Variants in LINGO1 observed in about 807,000 individuals in gnomAD.
LINGO1 encodes the protein leucine-rich repeat and immunoglobulin-like domain-containing nogo receptor-interacting protein 1.
LINGO1 carries 11 observed loss-of-function variants against 37.3 expected under a neutral mutation model. That is an observed-to-expected ratio of 0.29 (90% confidence interval 0.19 to 0.49). LINGO1 has a LOEUF of 0.49. Among genes scored for constraint, LINGO1 ranks in the 20% least tolerant of loss-of-function variants. The pLI, the probability that LINGO1 is intolerant of heterozygous loss-of-function variation, is 0.99. For synonymous variants in LINGO1, 387 were observed against 403.0 expected (o/e 0.96, Z 0.48); for missense variants, 585 against 878.2 (o/e 0.67, Z 4.22).
intron 1 of LINGO1, among the ~76,000 whole-genome samples, chr15:77,801,521 CCT>C (rs1490166721): frequency 2.0e-5 from 3 of 152,062 alleles, no homozygotes; most frequent in African/African-American, 7.2e-5. Flanking sequence ...GCTTTCATGG[CCT>C]GTTTTCCACA....
At chr15:77,746,494 T>C (rs2076316138) in intron 1 of LINGO1, among the ~76,000 whole-genome samples, 1 of 152,132 alleles carries the variant, frequency 6.6e-6, no homozygotes, top group African/African-American at 2.4e-5. Flanking sequence ...CAGAACTCCT[T>C]AGAGCACCCT....
intron 3 of LINGO1, among the ~76,000 whole-genome samples, chr15:77,670,686 G>A (rs1282227626): frequency 6.6e-6 from 1 of 152,260 alleles, no homozygotes; most frequent in African/African-American, 2.4e-5. Context: ...TTTGCCCTAA[G>A]GTCACTTGAC....
In LINGO1 at chr15:77,777,513, A is replaced by G. The variant is rs567455655; in HGVS notation, c.-257+9356T>C. On this transcript the variant is annotated intron_variant, in intron 1 of 3. Coordinates refer to the LINGO1 transcript ENST00000561686. The stretch of plus-strand genomic sequence containing the variant: ...CACACACACACACACAGCTCAGAAC[A>G]CAGTGCGAGTGCACGCCATTCACTC... Among the ~76,000 whole-genome samples the G allele has an allele frequency of 5.3e-5, 8 of 151,772 alleles. No homozygotes were observed. In the South Asian group the frequency reaches 1.7e-3, roughly 32 times the overall value.
intron 2 of LINGO1, among the ~76,000 whole-genome samples, chr15:77,701,675 G>C (rs1325013311): frequency 3.9e-5 from 6 of 152,082 alleles, no homozygotes; most frequent in Admixed American, 3.9e-4. Flanking sequence ...CATGAGAACT[G>C]ATTGTTAAAA....
In LINGO1 at chr15:77,616,183, C is replaced by T. The variant is rs192238972; in HGVS notation, c.7-283G>A. ...GTCACCTCAGACAGCCTGGCATTGG[C>T]GCCACCTCCTTTACATTTCACAGGC... On this transcript the variant is annotated intron_variant, in intron 1 of 1. Coordinates refer to ENST00000355300, the MANE Select transcript of LINGO1 (RefSeq NM_032808.7). Among the ~76,000 whole-genome samples the T allele has an allele frequency of 3.9e-5, 6 of 152,256 alleles. No homozygotes were observed. The East Asian group carries it at 7.7e-4, about 20-fold the overall frequency.
upstream of LINGO1, among the ~76,000 whole-genome samples, chr15:77,698,092 A>C (rs1444716820): frequency 6.6e-6 from 1 of 152,030 alleles, no homozygotes; most frequent in South Asian, 2.1e-4. Context: ...GTGAGTTAGG[A>C]ATGAGGCAGT....
intron 1 of LINGO1, among the ~76,000 whole-genome samples, chr15:77,618,077 G>C (rs975062728): frequency 1.3e-5 from 2 of 152,208 alleles, no homozygotes; most frequent in Non-Finnish European, 2.9e-5. Context: ...TAAGTAATTG[G>C]GCCGGCAGCT....
chr15:77,808,932 C>T (rs1425616762), intron 1 of LINGO1, among the ~76,000 whole-genome samples: 1 of 152,224 alleles, frequency 6.6e-6, no homozygotes, highest in Non-Finnish European at 1.5e-5. Flanking sequence ...CGCACTCAGG[C>T]TCCCACTCCA....
chr15:77,646,422 G>T (rs919158132), intron 3 of LINGO1: 14 of 455,606 alleles, frequency 3.1e-5, no homozygotes, highest in African/African-American at 2.4e-4. Context: ...AGACGGCTAG[G>T]GGGCAGGGAA....
chr15:77,664,170 T>TGTGTGTGTGTGTGTGCGCGCGCGCGC, intron 3 of LINGO1, among the ~76,000 whole-genome samples: 9 of 131,004 alleles, frequency 6.9e-5, no homozygotes, highest in African/African-American at 3.3e-4. Context: ...TGTGTGTGTG[T>TGTGTGTGTGTGTGTGCGCGCGCGCGC]GCGCGCGCGC....
chr15:77,810,525 A>G (rs929058332), intron 1 of LINGO1, among the ~76,000 whole-genome samples: 1 of 152,170 alleles, frequency 6.6e-6, no homozygotes, highest in South Asian at 2.1e-4. Flanking sequence ...TGACAAGCCC[A>G]TGTGGCCTGG....
At chr15:77,716,728 T>A (rs1252056824) in intron 2 of LINGO1, among the ~76,000 whole-genome samples, 2 of 150,242 alleles carry the variant, frequency 1.3e-5, no homozygotes, top group African/African-American at 4.8e-5. Context: ...ACTGTCCACC[T>A]CCACTACCAA....
At chr15:77,765,909 C>T (rs528093807) in intron 1 of LINGO1, among the ~76,000 whole-genome samples, 26 of 152,142 alleles carry the variant, frequency 1.7e-4, no homozygotes, top group Non-Finnish European at 2.9e-4. Flanking sequence ...GCCTTTAGCA[C>T]CCCACTCCTA....
rs1180316794 is a variant in LINGO1, at chr15:77,632,282, G to C, written c.6+28C>G. Reference sequence around the variant, plus strand: ...GCACTCGCCGCGGGGCTGCCCGCTCGGGGCTCGGCCGCGGCCGCCTGGCTC... The same window carrying C: ...GCACTCGCCGCGGGGCTGCCCGCTCCGGGCTCGGCCGCGGCCGCCTGGCTC... On this transcript the variant is annotated intron_variant, in intron 1 of 1. Coordinates refer to ENST00000355300, the MANE Select transcript of LINGO1 (RefSeq NM_032808.7). The surrounding 1 kb of genome is among the most constrained non-coding windows in gnomAD (Gnocchi z 6.0). 5.7e-6 allele frequency: 8 copies of C among 1,409,072 alleles called. No homozygotes were observed. Among genetic ancestry groups the C allele is most frequent in the Non-Finnish European group, 6.5e-6 (7 of 1,083,188 alleles). 87.3% of individuals were successfully genotyped at this position (1,409,072 alleles called of 1,614,324 possible). A position where few individuals can be genotyped will look rare whatever the true frequency, so the allele number is the denominator to read the frequency against.
At chr15:77,799,103 A>G (rs528468376) in intron 1 of LINGO1, among the ~76,000 whole-genome samples, 6 of 151,948 alleles carry the variant, frequency 3.9e-5, no homozygotes, top group African/African-American at 1.5e-4. Flanking sequence ...CCAAAAAGCC[A>G]AGCCCAGAGC....
At chr15:77,782,982 A>C (rs912789804) in intron 1 of LINGO1, among the ~76,000 whole-genome samples, 1 of 150,194 alleles carries the variant, frequency 6.7e-6, no homozygotes. Context: ...CTCCCCACCC[A>C]CCAGCCACAC....
At chr15:77,660,792 C>A (rs554387845) in intron 3 of LINGO1, among the ~76,000 whole-genome samples, 1 of 151,666 alleles carries the variant, frequency 6.6e-6, no homozygotes, top group African/African-American at 2.4e-5. Context: ...TTCCCAGTGT[C>A]TGGTTTGGGA....
At position 77,632,495 on chromosome 15, in the gene LINGO1, G is replaced by T; in HGVS notation, c.-180C>A. On this transcript the variant is annotated 5_prime_UTR_variant, in exon 1 of 2. Coordinates refer to ENST00000355300, the MANE Select transcript of LINGO1 (RefSeq NM_032808.7). The surrounding 1 kb of genome is among the most constrained non-coding windows in gnomAD (Gnocchi z 6.0). ...GTCCGTCTGTCCGCCCCGCGCGGGC[G>T]GGAGCCGAGCCGGAGCCGGGGCCGG... is the stretch of plus-strand genomic sequence containing the variant. 1.9e-6 allele frequency: 1 copy of T among 525,646 alleles called. No individual in the cohort carries two copies. The highest frequency in any genetic ancestry group is 2.8e-6 in the Non-Finnish European group (1 of 356,698). 32.6% of individuals were successfully genotyped at this position (525,646 alleles called of 1,614,324 possible).
intron 2 of LINGO1, among the ~76,000 whole-genome samples, chr15:77,680,006 C>A (rs980175008): frequency 1.3e-5 from 2 of 152,230 alleles, no homozygotes; most frequent in African/African-American, 4.8e-5. Flanking sequence ...ATTTCCTCAG[C>A]CTCTTTAGAG....
Sources: gnomAD v4.1 joint callset for allele counts (sites outside exome capture counted in the v4.1 genomes callset) on GRCh38, gnomAD v4.1.1 for gene constraint, Gnocchi (gnomAD v3.1) non-coding constraint, MANE v1.5 for transcripts, NCBI Gene and HGNC (gene_info 2026-07-23, HGNC 2026-07-21) for gene names.